Variants in SPOP observed in about 807,000 individuals in gnomAD.
The protein encoded by SPOP is speckle-type POZ protein.
In SPOP, 11 loss-of-function variants were observed where a neutral mutation model predicts 45.6. The ratio of observed to expected loss-of-function variants is 0.24; its 90% CI spans 0.15 to 0.40. The LOEUF (loss-of-function observed/expected upper bound fraction) is 0.40, where lower values mean the gene tolerates loss of function less well. SPOP is among the 10% of genes least tolerant of loss of function. The pLI is 1.00. For synonymous variants in SPOP, 166 were observed against 166.3 expected, an observed-to-expected ratio of 1.00 and a Z score of 0.01; for missense variants, 152 against 465.6, an observed-to-expected ratio of 0.33 and a Z score of 6.20.
At chr17:49,671,822 A>G (rs1304241162) in intron 1 of SPOP, among the ~76,000 whole-genome samples, 1 of 152,156 alleles carries the variant, frequency 6.6e-6, no homozygotes, top group African/African-American at 2.4e-5. Context: ...CCTGGCCAAT[A>G]TGGTGAAACC....
At chr17:49,651,761 G>A (rs113794575) in intron 1 of SPOP, among the ~76,000 whole-genome samples, 1,700 of 152,278 alleles carry the variant, frequency 0.011, 14 homozygotes, top group Non-Finnish European at 0.017. Context: ...GCTCATGCCT[G>A]TAATCCCAAC....
chr17:49,607,124 A>T, intron 8 of SPOP, 126 bp downstream of exon 8: 1 of 1,180,140 alleles, frequency 8.5e-7, no homozygotes, highest in Non-Finnish European at 1.2e-6. Context: ...TGTGTAAACC[A>T]GGACCGTCTT....
intron 1 of SPOP, among the ~76,000 whole-genome samples, chr17:49,665,880 A>C (rs1301704111): frequency 6.6e-6 from 1 of 151,082 alleles, no homozygotes; most frequent in Non-Finnish European, 1.5e-5. Flanking sequence ...GCTACTCAGG[A>C]GGCTGAGGCA....
intron 6 of SPOP, among the ~76,000 whole-genome samples, chr17:49,610,645 G>C (rs749230450): frequency 6.6e-6 from 1 of 152,228 alleles, no homozygotes; most frequent in Non-Finnish European, 1.5e-5. Flanking sequence ...TTAGTAAGAA[G>C]TGTGTTACTT....
chr17:49,637,450 A>G (rs1189680258), intron 1 of SPOP, among the ~76,000 whole-genome samples: 1 of 152,098 alleles, frequency 6.6e-6, no homozygotes, highest in Non-Finnish European at 1.5e-5. Context: ...TCCCACGTTC[A>G]AGCAATTCTC....
At chr17:49,653,771 A>G (rs1043096354) in intron 1 of SPOP, among the ~76,000 whole-genome samples, 1 of 150,786 alleles carries the variant, frequency 6.6e-6, no homozygotes, top group Non-Finnish European at 1.5e-5. Context: ...AAAAAAAGAG[A>G]AAGTCAGAAA....
At chr17:49,616,250 C>T (rs530244437) in intron 5 of SPOP, among the ~76,000 whole-genome samples, 3 of 152,154 alleles carry the variant, frequency 2.0e-5, no homozygotes, top group Non-Finnish European at 4.4e-5. Flanking sequence ...GGGTGCTTCT[C>T]GGTCTTCCAC....
intron 1 of SPOP, among the ~76,000 whole-genome samples, chr17:49,664,740 T>G (rs1379161475): frequency 1.3e-5 from 2 of 152,116 alleles, no homozygotes; most frequent in African/African-American, 4.8e-5. Flanking sequence ...CGGAGGAAAA[T>G]CAACCTTTCA....
intron 8 of SPOP, 153 bp from the exon 9 acceptor site, chr17:49,602,160 T>C (rs1194272886): frequency 1.2e-5 from 10 of 802,764 alleles, no homozygotes; most frequent in Non-Finnish European, 1.8e-5. Flanking sequence ...TGATAAAACA[T>C]AACCATTTCT....
intron 8 of SPOP, among the ~76,000 whole-genome samples, chr17:49,606,488 CTTTTTTCTTTTTTTT>C (rs2071849818): frequency 1.7e-5 from 2 of 115,466 alleles, no homozygotes; most frequent in East Asian, 4.9e-4. Flanking sequence ...TTTCTTGTTT[CTTTTTTCTTTTTTTT>C]TTTTTTTTTT....
intron 1 of SPOP, among the ~76,000 whole-genome samples, chr17:49,666,999 T>C (rs1475107197): frequency 6.7e-6 from 1 of 148,892 alleles, no homozygotes; most frequent in Non-Finnish European, 1.5e-5. Flanking sequence ...GCCAACATGG[T>C]GAAACACCAT....
In SPOP at chr17:49,599,109, G is replaced by A. The variant is rs1212755937; in HGVS notation, c.*1269C>T. The A allele has an allele frequency of 4.8e-6, 1 of 208,770 alleles. No individual in the cohort carries two copies. Among genetic ancestry groups the A allele is most frequent in the Non-Finnish European group, 9.8e-6 (1 of 102,286 alleles). 12.9% of individuals were successfully genotyped at this position (208,770 alleles called of 1,614,324 possible). On this transcript the variant is annotated 3_prime_UTR_variant, in exon 10 of 10. Coordinates refer to ENST00000504102, the MANE Select transcript of SPOP (RefSeq NM_001007228.2). The stretch of plus-strand genomic sequence containing the variant: ...GACAAGAGACTGGCAGATGCTGATA[G>A]CTCACAAAGAGAACTTGAGATTACG...
At chr17:49,666,880 T>A (rs1039099383) in intron 1 of SPOP, among the ~76,000 whole-genome samples, 8 of 151,850 alleles carry the variant, frequency 5.3e-5, no homozygotes, top group African/African-American at 1.9e-4. Flanking sequence ...AAAATTAAGT[T>A]TAAAAACAAA....
chr17:49,674,571 A>C (rs887331079), intron 1 of SPOP, among the ~76,000 whole-genome samples: 2 of 152,216 alleles, frequency 1.3e-5, no homozygotes, highest in Non-Finnish European at 2.9e-5. Context: ...TGCTATCAGC[A>C]GACTTAAAAA....
intron 8 of SPOP, among the ~76,000 whole-genome samples, chr17:49,604,840 A>T (rs573621800): frequency 2.0e-5 from 3 of 152,210 alleles, no homozygotes. Flanking sequence ...CCGTTTCCCA[A>T]TGTGCGTTTT....
chr17:49,629,716 GTCACTTTTTAAATCTT>G (rs1260978215), intron 1 of SPOP, among the ~76,000 whole-genome samples: 1 of 152,186 alleles, frequency 6.6e-6, no homozygotes, highest in Non-Finnish European at 1.5e-5. Context: ...AGCTTGTGCA[GTCACTTTTTAAATCTT>G]TCACTTATTT....
At chr17:49,609,380 C>T (rs1014902725) in intron 6 of SPOP, among the ~76,000 whole-genome samples, 26 of 152,084 alleles carry the variant, frequency 1.7e-4, no homozygotes, top group African/African-American at 5.3e-4. Context: ...ACTAAAGGCC[C>T]GGTGCTTTTC....
intron 1 of SPOP, chr17:49,667,990 T>C (rs2073085157): frequency 6.6e-6 from 1 of 152,144 alleles, no homozygotes; most frequent in Non-Finnish European, 1.5e-5. Context: ...AGTCACAAAA[T>C]AGACAAACTC....
intron 1 of SPOP, among the ~76,000 whole-genome samples, chr17:49,666,484 CA>C (rs1311749579): frequency 9.2e-4 from 140 of 151,568 alleles, no homozygotes; most frequent in Middle Eastern, 3.4e-3. Flanking sequence ...CACACACACA[CA>C]CACACACACC....
Sources: gnomAD v4.1 joint callset for allele counts (sites outside exome capture counted in the v4.1 genomes callset) on GRCh38, gnomAD v4.1.1 for gene constraint, MANE v1.5 for transcripts, NCBI Gene and HGNC (gene_info 2026-07-23, HGNC 2026-07-21) for gene names.